Variants in AGAP1 observed in about 807,000 individuals in gnomAD.
The protein encoded by AGAP1 is ArfGAP with GTPase domain, ankyrin repeat and PH domain 1.
A neutral mutation model predicts 105.3 loss-of-function variants in AGAP1; 29 were observed. The observed-to-expected ratio is 0.28, with a 90% CI of 0.21 to 0.38. The LOEUF is 0.38. Ranked by LOEUF, AGAP1 falls within the 10% of genes least tolerant of loss-of-function variation. AGAP1 has a pLI of 1.00. For missense variants in AGAP1, 998 were observed against 1,165.1 expected (o/e 0.86, Z 2.09); for synonymous variants, 509 against 485.9 (o/e 1.05, Z -0.63).
chr2:235,920,112 G>C (rs2052105969), intron 11 of AGAP1, among the ~76,000 whole-genome samples: 1 of 152,136 alleles, frequency 6.6e-6, no homozygotes. Context: ...GATGTATTTA[G>C]TAGTCGTTAA....
Position 235,741,544 on chromosome 2 carries a change from G to A in AGAP1, c.396+496G>A, listed in dbSNP as rs149033404. ...AGCAAGGCAGTCTCCACCGAAAGCC[G>A]GTATGAAGCATATTATGATTTCTTT... is the stretch of plus-strand genomic sequence containing the variant. On this transcript the variant is annotated intron_variant, in intron 4 of 17. Transcript: ENST00000304032. This position sits in a 1 kb window ranked among gnomAD's most constrained non-coding sequence, Gnocchi z 4.9. Among the ~76,000 whole-genome samples, 2 of 152,278 alleles carry A rather than the reference G, an allele frequency of 1.3e-5. No individual in the cohort carries two copies. Among genetic ancestry groups the A allele is most frequent in the South Asian group, 2.1e-4 (1 of 4,816 alleles).
intron 1 of AGAP1, among the ~76,000 whole-genome samples, chr2:235,572,003 C>CACACACA (rs1336199763): frequency 1.3e-3 from 120 of 93,464 alleles, no homozygotes; most frequent in African/African-American, 4.8e-3. Flanking sequence ...CACACACACA[C>CACACACA]TTTTTTTTTT....
At chr2:235,899,630 A>T (rs554359226) in intron 10 of AGAP1, among the ~76,000 whole-genome samples, 281 of 152,324 alleles carry the variant, frequency 1.8e-3, no homozygotes, top group African/African-American at 6.5e-3. Flanking sequence ...ACATTTCCTT[A>T]TAAGTCAAAA....
rs754531620 is a variant in AGAP1 at position 235,883,309 on chromosome 2, C to T, written c.1051-36C>T. On this transcript the variant is annotated intron_variant, in intron 9 of 17. Transcript: ENST00000304032. This position sits in a 1 kb window ranked among gnomAD's most constrained non-coding sequence, Gnocchi z 4.5. ...ACCTGCCTTTTCTTTTTTTTATTTACATTAGAATTTCTATTTGGCTCTTTT... is the reference window on the plus strand; with the variant it reads ...ACCTGCCTTTTCTTTTTTTTATTTATATTAGAATTTCTATTTGGCTCTTTT... 37 of 1,581,742 alleles carry T rather than the reference C, an allele frequency of 2.3e-5. No homozygotes were observed. The East Asian group carries it at 7.8e-4, about 33-fold the overall frequency.
In AGAP1 at chr2:235,729,571, C is replaced by T. The variant is rs1268856812; in HGVS notation, c.311-11392C>T. Among the ~76,000 whole-genome samples the T allele has an allele frequency of 6.6e-6, 1 of 152,128 alleles. No homozygotes were observed. The highest frequency in any genetic ancestry group is 1.9e-4 in the East Asian group (1 of 5,178). ...GACCGGGTCTTGGTGCTTTCCAGCT[C>T]AGGGCGTTGGTCCACTTGGTTATTC... On this transcript the variant is annotated intron_variant, in intron 3 of 17. Coordinates refer to ENST00000304032, the MANE Select transcript of AGAP1 (RefSeq NM_001037131.3). This position sits in a 1 kb window ranked among gnomAD's most constrained non-coding sequence, Gnocchi z 5.0.
At chr2:235,503,493 A>C (rs1430177861) in intron 1 of AGAP1, among the ~76,000 whole-genome samples, 1 of 152,216 alleles carries the variant, frequency 6.6e-6, no homozygotes, top group Non-Finnish European at 1.5e-5. Flanking sequence ...TCAACAATCA[A>C]GCCTGGGTCT....
At chr2:235,674,879 G>C (rs1405553762) in intron 1 of AGAP1, among the ~76,000 whole-genome samples, 1 of 151,766 alleles carries the variant, frequency 6.6e-6, no homozygotes, top group African/African-American at 2.4e-5. Context: ...AGTAGAGAGA[G>C]GGTTTCACCA....
chr2:235,981,947 A>T lies in AGAP1; in HGVS notation c.1645+13324A>T, dbSNP rs2055117373. ...TGTCTAGGATTCTTCCTACAGAAGA[A>T]GTTCATATAAAATAAGGGGTTTTAT... On this transcript the variant is annotated intron_variant, in intron 13 of 17. Coordinates refer to ENST00000304032, the MANE Select transcript of AGAP1 (RefSeq NM_001037131.3). This position sits in a 1 kb window ranked among gnomAD's most constrained non-coding sequence, Gnocchi z 5.5. Among the ~76,000 whole-genome samples the T allele has an allele frequency of 6.6e-6, 1 of 152,196 alleles. No homozygotes were observed. Among genetic ancestry groups the T allele is most frequent in the South Asian group, 2.1e-4 (1 of 4,826 alleles).
intron 9 of AGAP1, among the ~76,000 whole-genome samples, chr2:235,878,220 C>T (rs536876118): frequency 3.3e-5 from 5 of 152,332 alleles, no homozygotes; most frequent in South Asian, 4.1e-4. Context: ...TCACAAACAC[C>T]GCGTGCACGT....
intron 1 of AGAP1, among the ~76,000 whole-genome samples, chr2:235,541,094 ATAAGCTC>A: frequency 6.6e-6 from 1 of 152,354 alleles, no homozygotes; most frequent in Non-Finnish European, 1.5e-5. Context: ...CTATCCTTAT[ATAAGCTC>A]TAAAACAGTT....
intron 16 of AGAP1, among the ~76,000 whole-genome samples, chr2:236,074,104 C>T (rs1323855585): frequency 6.6e-6 from 1 of 152,006 alleles, no homozygotes; most frequent in East Asian, 1.9e-4. Flanking sequence ...TGACAGTTTG[C>T]ATGAGAGGTT....
rs1356233406 is a variant in AGAP1, at chr2:235,989,834, C to G, written c.1645+21211C>G. Among the ~76,000 whole-genome samples the G allele has an allele frequency of 6.6e-6, 1 of 152,100 alleles. No individual in the cohort carries two copies. The highest frequency in any genetic ancestry group is 1.5e-5 in the Non-Finnish European group (1 of 68,032). On this transcript the variant is annotated intron_variant, in intron 13 of 17. Coordinates refer to ENST00000304032, the MANE Select transcript of AGAP1 (RefSeq NM_001037131.3). The surrounding 1 kb of genome is among the most constrained non-coding windows in gnomAD (Gnocchi z 4.4). ...GCAGCAGCTCACAGGGAGGGACAGCCTCGGAAGAGGAAATCCATGCGTCTT... is the reference window on the plus strand; with the variant it reads ...GCAGCAGCTCACAGGGAGGGACAGCGTCGGAAGAGGAAATCCATGCGTCTT...
chr2:235,730,497 A>AT, intron 3 of AGAP1, among the ~76,000 whole-genome samples: 1 of 151,092 alleles, frequency 6.6e-6, no homozygotes, highest in Non-Finnish European at 1.5e-5. Context: ...AAAAAAAAAA[A>AT]ACGAGACAAG....
chr2:235,613,033 T>G (rs1005041036), intron 1 of AGAP1, among the ~76,000 whole-genome samples: 15 of 152,032 alleles, frequency 9.9e-5, no homozygotes, highest in Admixed American at 2.6e-4. Context: ...TTTGTTTTTT[T>G]TTTTTTTTTG....
intron 1 of AGAP1, among the ~76,000 whole-genome samples, chr2:235,652,523 G>A (rs554568202): frequency 1.4e-4 from 21 of 152,248 alleles, no homozygotes; most frequent in African/African-American, 4.6e-4. Flanking sequence ...TGATTCAGGA[G>A]ACACCACATC....
At chr2:235,711,580 G>A (rs1444719436) in intron 2 of AGAP1, among the ~76,000 whole-genome samples, 1 of 152,196 alleles carries the variant, frequency 6.6e-6, no homozygotes, top group African/African-American at 2.4e-5. Flanking sequence ...ACAGTTCTCA[G>A]AACGGTCCTG....
rs1236058327 is a variant in AGAP1, at chr2:235,845,182, A to G, written c.1050+37851A>G. 6.6e-6 allele frequency among the ~76,000 whole-genome samples: 1 copy of G among 152,196 alleles called. No individual in the cohort carries two copies. The highest frequency in any genetic ancestry group is 1.5e-5 in the Non-Finnish European group (1 of 68,030). ...TTAGTCCCAAGAGCCACACATGTCA[A>G]GGAAATCTGGGAGCAGCAGCCCAGC... On this transcript the variant is annotated intron_variant, in intron 9 of 17. Transcript: ENST00000304032. This position sits in a 1 kb window ranked among gnomAD's most constrained non-coding sequence, Gnocchi z 4.8.
At chr2:235,593,240 T>C (rs1945411607) in intron 1 of AGAP1, among the ~76,000 whole-genome samples, 2 of 152,136 alleles carry the variant, frequency 1.3e-5, no homozygotes, top group Non-Finnish European at 2.9e-5. Context: ...TTGCAGCACG[T>C]GGGTAACAAG....
intron 16 of AGAP1, among the ~76,000 whole-genome samples, chr2:236,093,056 G>A (rs1482894148): frequency 6.6e-6 from 1 of 152,226 alleles, no homozygotes; most frequent in Non-Finnish European, 1.5e-5. Context: ...CTCCAGAAAG[G>A]CAGTGGGGGA....
Sources: gnomAD v4.1 joint callset for allele counts (sites outside exome capture counted in the v4.1 genomes callset) on GRCh38, gnomAD v4.1.1 for gene constraint, Gnocchi (gnomAD v3.1) non-coding constraint, MANE v1.5 for transcripts, NCBI Gene and HGNC (gene_info 2026-07-23, HGNC 2026-07-21) for gene names.